EPSTI1: variants seen among roughly 807,000 people sequenced by gnomAD.
EPSTI1 encodes the protein epithelial-stromal interaction protein 1.
EPSTI1 carries 66 observed loss-of-function variants against 49.9 expected under a neutral mutation model. The ratio of observed to expected loss-of-function variants is 1.32; its 90% CI spans 1.08 to 1.62. The LOEUF (loss-of-function observed/expected upper bound fraction) is 1.62. Among genes scored for constraint, EPSTI1 ranks in the 40% most tolerant of loss-of-function variants. The pLI is 0.00. For missense variants in EPSTI1, 394 were observed against 365.5 expected, an observed-to-expected ratio of 1.08 and a Z score of -0.64; for synonymous variants, 137 against 130.7, an observed-to-expected ratio of 1.05 and a Z score of -0.33.
intron 9 of EPSTI1, among the ~76,000 whole-genome samples, chr13:42,899,188 A>G (rs2037282345): frequency 6.9e-6 from 1 of 144,832 alleles, no homozygotes; most frequent in African/African-American, 2.6e-5. Context: ...AAAGAGTGAG[A>G]CTCTGTCTCA....
At chr13:42,981,942 G>GA (rs35556655) in intron 1 of EPSTI1, among the ~76,000 whole-genome samples, 74,391 of 151,428 alleles carry the variant, frequency 0.49, 18,858 homozygotes, top group South Asian at 0.61. Flanking sequence ...TCAGAAGTCT[G>GA]AAAAAAAAAT....
At chr13:42,960,346 A>T (rs1020072072) in intron 5 of EPSTI1, among the ~76,000 whole-genome samples, 1 of 152,232 alleles carries the variant, frequency 6.6e-6, no homozygotes, top group Non-Finnish European at 1.5e-5. Flanking sequence ...TTACTCCCAT[A>T]GCACTAAATT....
chr13:42,917,640 G>GAAAAAAAAAAA lies in EPSTI1; in HGVS notation c.658-17_658-16insTTTTTTTTTTT. On this transcript the variant is annotated splice_polypyrimidine_tract_variant and intron_variant, in intron 7 of 10. Coordinates refer to ENST00000313624, the MANE Select transcript of EPSTI1 (RefSeq NM_033255.5). ...AGCTTCTGGCCTGTAAAGGTACAAA[G>GAAAAAAAAAAA]AGAAAAAAAAAAAAAAAAACAACTT... 26 of 149,266 alleles carry GAAAAAAAAAAA rather than the reference G, an allele frequency of 1.7e-4. No homozygotes were observed. Among genetic ancestry groups the GAAAAAAAAAAA allele is most frequent in the East Asian group, 4.0e-4 (3 of 7,556 alleles). 9.2% of individuals were successfully genotyped at this position (149,266 alleles called of 1,614,324 possible).
intron 7 of EPSTI1, among the ~76,000 whole-genome samples, chr13:42,925,250 A>G (rs1242296577): frequency 6.6e-6 from 1 of 152,160 alleles, no homozygotes; most frequent in Non-Finnish European, 1.5e-5. Context: ...AATGTTGCCA[A>G]TGTGATCCAG....
chr13:42,909,500 A>G (rs959968833), intron 8 of EPSTI1, among the ~76,000 whole-genome samples: 7 of 152,224 alleles, frequency 4.6e-5, no homozygotes, highest in African/African-American at 1.7e-4. Flanking sequence ...TGTTTATTGC[A>G]GTACTGTTCA....
intron 6 of EPSTI1, among the ~76,000 whole-genome samples, chr13:42,942,443 G>T (rs147734243): frequency 4.3e-4 from 66 of 151,798 alleles, no homozygotes; most frequent in African/African-American, 1.5e-3. Flanking sequence ...ATATGTTTTT[G>T]TGTTATTTAT....
At chr13:42,947,633 C>T (rs768690178) in intron 6 of EPSTI1, among the ~76,000 whole-genome samples, 21 of 152,092 alleles carry the variant, frequency 1.4e-4, no homozygotes, top group African/African-American at 4.3e-4. Flanking sequence ...TTGGCAAAAC[C>T]TATCTACATC....
Position 42,964,134 on chromosome 13 carries a change from T to A in EPSTI1, c.337A>T (p.Ser113Cys). The A allele has an allele frequency of 6.2e-7, 1 of 1,612,918 alleles. No individual in the cohort carries two copies. Among genetic ancestry groups the A allele is most frequent in the Non-Finnish European group, 8.5e-7 (1 of 1,179,622 alleles). ...VHLVPRRLGG[S>C]QSETEVRQKQ... is the part of the protein sequence containing the mutation. ...TGTCTGACTTCAGTTTCTGACTGGC[T>A]TCCACCTTAGGAAAAAAAAATCCAT... is the stretch of plus-strand genomic sequence containing the variant. Residue 113 changes from serine (S) to cysteine (C), a missense_variant, in exon 4 of 11, where the codon AGC (serine) becomes TGC (cysteine). Transcript: ENST00000313624.
In EPSTI1 at chr13:42,991,971, TACTC is replaced by T. The variant is rs759698160; in HGVS notation, c.188+3_188+6del. The T allele has an allele frequency of 2.5e-6, 4 of 1,611,328 alleles. No homozygotes were observed. The highest frequency in any genetic ancestry group is 1.1e-5 in the South Asian group (1 of 90,978). On this transcript the variant is annotated splice_donor_5th_base_variant and intron_variant, in intron 1 of 10. Coordinates refer to ENST00000313624, the MANE Select transcript of EPSTI1 (RefSeq NM_033255.5). ...CCGCCCCGAAGCCAGGTTGTTAAAATACTCACCGCCTCTGGCCCGCGTGCACGAC... is the reference window on the plus strand; with the variant it reads ...CCGCCCCGAAGCCAGGTTGTTAAAATACCGCCTCTGGCCCGCGTGCACGAC...
At chr13:42,911,267 GCGCGCA>G (rs1215555363) in intron 8 of EPSTI1, among the ~76,000 whole-genome samples, 2 of 137,912 alleles carry the variant, frequency 1.5e-5, no homozygotes, top group Admixed American at 7.2e-5. Flanking sequence ...GTGTGTGTGC[GCGCGCA>G]CGCGCGCACA....
chr13:42,968,450 G>A lies in EPSTI1; in HGVS notation c.331+644C>T, dbSNP rs114753435. Among the ~76,000 whole-genome samples, 722 of 151,894 alleles carry A rather than the reference G, an allele frequency of 4.8e-3. 6 individuals carry two copies. The highest frequency in any genetic ancestry group is 0.016 in the African/African-American group (676 of 41,388). Reference sequence around the variant, plus strand: ...TGTGTGTCCAACCCTTTAAATTTTCGGCTGCTGATAGAAGAGAAAAAGCAA... The same window carrying A: ...TGTGTGTCCAACCCTTTAAATTTTCAGCTGCTGATAGAAGAGAAAAAGCAA... On this transcript the variant is annotated intron_variant, in intron 3 of 10. Transcript: ENST00000313624.
At chr13:42,962,184 T>G (rs1454173010) in intron 5 of EPSTI1, among the ~76,000 whole-genome samples, 1 of 152,194 alleles carries the variant, frequency 6.6e-6, no homozygotes, top group Admixed American at 6.5e-5. Flanking sequence ...CCCCTTCTTT[T>G]GCAAGGTCAT....
intron 8 of EPSTI1, among the ~76,000 whole-genome samples, chr13:42,913,596 C>T (rs1274407357): frequency 6.6e-6 from 1 of 152,052 alleles, no homozygotes; most frequent in African/African-American, 2.4e-5. Flanking sequence ...AGAGTTAGAC[C>T]ACTTTGGGAA....
intron 10 of EPSTI1, among the ~76,000 whole-genome samples, chr13:42,892,461 A>G (rs556728403): frequency 4.6e-5 from 7 of 152,164 alleles, no homozygotes; most frequent in Non-Finnish European, 1.0e-4. Context: ...GGAAGAGTCA[A>G]GAGGATTTGT....
intron 6 of EPSTI1, among the ~76,000 whole-genome samples, chr13:42,953,712 A>G (rs1390117750): frequency 6.6e-6 from 1 of 152,208 alleles, no homozygotes; most frequent in Non-Finnish European, 1.5e-5. Context: ...AAGTCTTCCA[A>G]GTTATTTATA....
intron 1 of EPSTI1, among the ~76,000 whole-genome samples, chr13:42,972,927 T>C (rs1186340629): frequency 1.3e-5 from 2 of 152,152 alleles, no homozygotes; most frequent in Admixed American, 6.6e-5. Flanking sequence ...ATGATGTAAG[T>C]ACTCAGAGAT....
chr13:42,990,956 G>A (rs1016051669), intron 1 of EPSTI1: 1 of 152,260 alleles, frequency 6.6e-6, no homozygotes, highest in Non-Finnish European at 1.5e-5. Flanking sequence ...GCTAGAAAGA[G>A]AGGCTCATGA....
At chr13:42,899,945 C>A (rs141762120) in intron 9 of EPSTI1, among the ~76,000 whole-genome samples, 292 of 152,218 alleles carry the variant, frequency 1.9e-3, no homozygotes, top group African/African-American at 6.7e-3. Flanking sequence ...CTATATTGAT[C>A]TAAGTGTTAT....
At chr13:42,927,709 A>G (rs1360674944) in intron 6 of EPSTI1, among the ~76,000 whole-genome samples, 1 of 152,232 alleles carries the variant, frequency 6.6e-6, no homozygotes, top group Non-Finnish European at 1.5e-5. Flanking sequence ...GAAGCAACAT[A>G]CAGAACCCTG....
Sources: gnomAD v4.1 joint callset for allele counts (sites outside exome capture counted in the v4.1 genomes callset) on GRCh38, gnomAD v4.1.1 for gene constraint, MANE v1.5 for transcripts, NCBI Gene and HGNC (gene_info 2026-07-23, HGNC 2026-07-21) for gene names.